Variants in EMSY observed in about 807,000 individuals in gnomAD.
EMSY encodes EMSY transcriptional repressor, BRCA2 interacting.
EMSY carries 26 observed loss-of-function variants against 134.6 expected under a neutral mutation model. That is an observed-to-expected ratio of 0.19 (90% CI 0.14 to 0.27). The LOEUF is 0.27. EMSY is among the 10% of genes least tolerant of loss of function. The pLI is 1.00. For missense variants in EMSY, 1,305 were observed against 1,611.4 expected (o/e 0.81, Z 3.26); for synonymous variants, 579 against 577.8 (o/e 1.00, Z -0.03).
At chr11:76,465,469 T>G (rs1948311092) in intron 7 of EMSY, among the ~76,000 whole-genome samples, 1 of 152,162 alleles carries the variant, frequency 6.6e-6, no homozygotes, top group South Asian at 2.1e-4. Context: ...TGTTACAGCC[T>G]TGCACGTAGT....
At chr11:76,550,293 A>G in exon 21 of EMSY, 1 of 514,484 alleles carries the variant, frequency 1.9e-6, no homozygotes, top group Non-Finnish European at 3.0e-6. Context: ...ATGTTGCTGC[A>G]GGAGCAGCTT....
intron 4 of EMSY, among the ~76,000 whole-genome samples, chr11:76,455,924 A>G (rs1203928639): frequency 6.6e-6 from 1 of 152,126 alleles, no homozygotes; most frequent in Admixed American, 6.6e-5. Context: ...CATCACTCAG[A>G]CATTCACAGG....
chr11:76,487,665 G>A (rs1949244022), intron 8 of EMSY, among the ~76,000 whole-genome samples: 1 of 152,230 alleles, frequency 6.6e-6, no homozygotes, highest in African/African-American at 2.4e-5. Flanking sequence ...ATGGTTCAGT[G>A]TATACAAACT....
chr11:76,458,421 A>G, intron 5 of EMSY, 63 bp downstream of exon 6: 1 of 1,452,634 alleles, frequency 6.9e-7, no homozygotes, highest in South Asian at 1.4e-5. Context: ...GAAAATTTCA[A>G]GAAAAGTTGT....
chr11:76,522,441 C>T (rs55975198), intron 11 of EMSY, among the ~76,000 whole-genome samples: 39,562 of 142,200 alleles, frequency 0.28, 5,599 homozygotes, highest in Non-Finnish European at 0.32. Flanking sequence ...AATCTCAGCT[C>T]ACTGCAACCT....
chr11:76,473,318 T>C (rs1364665809), intron 8 of EMSY, among the ~76,000 whole-genome samples: 2 of 151,840 alleles, frequency 1.3e-5, no homozygotes, highest in Non-Finnish European at 2.9e-5. Context: ...TTTTTTTTTT[T>C]CTCGTTGAGA....
At chr11:76,496,133 C>T in intron 8 of EMSY, 82 bp from the exon 10 acceptor site, 1 of 1,398,318 alleles carries the variant, frequency 7.2e-7, no homozygotes, top group Non-Finnish European at 9.7e-7. Context: ...ATTCTTTAAA[C>T]TATTATCTAC....
chr11:76,535,071 G>A (rs1951176499), intron 14 of EMSY, among the ~76,000 whole-genome samples: 1 of 152,158 alleles, frequency 6.6e-6, no homozygotes, highest in Admixed American at 6.5e-5. Context: ...AAGGGTCTTA[G>A]AATTCAGAAC....
At chr11:76,549,379 T>A (rs982974096) in intron 20 of EMSY, among the ~76,000 whole-genome samples, 1 of 152,106 alleles carries the variant, frequency 6.6e-6, no homozygotes, top group African/African-American at 2.4e-5. Context: ...GGATGTCTAA[T>A]AAAGAGGAAA....
chr11:76,458,456 T>G, intron 5 of EMSY, 98 bp downstream of exon 6: 3 of 1,257,294 alleles, frequency 2.4e-6, no homozygotes, highest in Non-Finnish European at 3.2e-6. Context: ...ACTTTTATTC[T>G]AGTGTTTAAA....
intron 14 of EMSY, among the ~76,000 whole-genome samples, chr11:76,530,885 C>G (rs1951017411): frequency 6.6e-6 from 1 of 152,168 alleles, no homozygotes; most frequent in South Asian, 2.1e-4. Flanking sequence ...TTTTCTGTTA[C>G]ATTGTTGCTT....
At chr11:76,505,362 ATTTTTT>A (rs372496170) in intron 9 of EMSY, among the ~76,000 whole-genome samples, 28 of 126,784 alleles carry the variant, frequency 2.2e-4, no homozygotes, top group Non-Finnish European at 3.9e-4. Context: ...CGCCCGGCTA[ATTTTTT>A]TTTTTTTTTT....
intron 8 of EMSY, among the ~76,000 whole-genome samples, chr11:76,480,847 C>T (rs1335440146): frequency 1.3e-5 from 2 of 152,188 alleles, no homozygotes; most frequent in Admixed American, 6.5e-5. Flanking sequence ...CAAGGGAAGC[C>T]ATGAGGGACC....
rs778851708 is a variant in EMSY at position 76,549,993 on chromosome 11, T to C, written c.3816T>C (p.Asn1272=). ...CTATTCCTTGTCACTCCAGCTCCAA[T>C]GTGGTGGTGGAGCCCAGTGGGCTTC... Residue 1272 remains asparagine (N), a synonymous_variant, in exon 21 of 21, where the codon AAT becomes AAC. Transcript: ENST00000334736. The C allele has an allele frequency of 3.5e-5, 56 of 1,613,530 alleles. 1 individual carries two copies. Among genetic ancestry groups the C allele is most frequent in the Admixed American group, 2.2e-4 (13 of 59,940 alleles).
At chr11:76,501,027 A>C (rs1301637511) in intron 9 of EMSY, among the ~76,000 whole-genome samples, 1 of 152,216 alleles carries the variant, frequency 6.6e-6, no homozygotes, top group South Asian at 2.1e-4. Flanking sequence ...AAACCTATGC[A>C]CACCCTCCTG....
chr11:76,501,724 A>G (rs1338776656), intron 9 of EMSY, among the ~76,000 whole-genome samples: 1 of 152,226 alleles, frequency 6.6e-6, no homozygotes, highest in Non-Finnish European at 1.5e-5. Context: ...CAACATACAT[A>G]TAATGGAAGT....
intron 2 of EMSY, among the ~76,000 whole-genome samples, chr11:76,451,654 A>G (rs1003050199): frequency 6.6e-6 from 1 of 152,372 alleles, no homozygotes; most frequent in Admixed American, 6.5e-5. Context: ...TTTTATATAC[A>G]TGACTTCTGT....
chr11:76,485,950 A>G (rs1341469365), intron 8 of EMSY, among the ~76,000 whole-genome samples: 3 of 152,198 alleles, frequency 2.0e-5, no homozygotes, highest in Non-Finnish European at 2.9e-5. Flanking sequence ...ACACATGCAC[A>G]TGTATGTTTA....
At chr11:76,543,844 G>C (rs933047484) in intron 18 of EMSY, among the ~76,000 whole-genome samples, 3 of 152,186 alleles carry the variant, frequency 2.0e-5, no homozygotes, top group Non-Finnish European at 4.4e-5. Flanking sequence ...CCTACACATA[G>C]CCATGGTGGG....
Sources: allele counts gnomAD v4.1 joint callset (sites outside exome capture counted in the v4.1 genomes callset), GRCh38; gene constraint gnomAD v4.1.1; transcripts MANE v1.5; gene names NCBI Gene and HGNC (gene_info 2026-07-23, HGNC 2026-07-21).